Variants in BCAS3 observed in about 807,000 individuals in gnomAD.
BCAS3 encodes the protein BCAS4/BCAS3 fusion.
In BCAS3, 53 loss-of-function variants were observed where a neutral mutation model predicts 116.1. The observed-to-expected ratio is 0.46, with a 90% confidence interval of 0.37 to 0.57. BCAS3 has a LOEUF of 0.57. Among genes scored for constraint, BCAS3 ranks in the 20% least tolerant of loss-of-function variants. The pLI is 0.00. For missense variants in BCAS3, 917 were observed against 1,165.4 expected, an observed-to-expected ratio of 0.79 and a Z score of 3.10; for synonymous variants, 391 against 408.2, an observed-to-expected ratio of 0.96 and a Z score of 0.51.
chr17:60,853,916 T>A (rs1406650471), intron 7 of BCAS3, among the ~76,000 whole-genome samples: 5 of 152,224 alleles, frequency 3.3e-5, no homozygotes, highest in East Asian at 1.9e-4. Flanking sequence ...TGTTTTTTTT[T>A]ATACTTTAAG....
At chr17:60,857,736 T>G (rs1340765893) in intron 7 of BCAS3, among the ~76,000 whole-genome samples, 1 of 152,186 alleles carries the variant, frequency 6.6e-6, no homozygotes, top group Non-Finnish European at 1.5e-5. Flanking sequence ...AACTGTGTTA[T>G]TGGCAGGAAA....
chr17:61,338,391 CCA>C (rs1297379428), intron 22 of BCAS3, among the ~76,000 whole-genome samples: 1 of 152,046 alleles, frequency 6.6e-6, no homozygotes, highest in East Asian at 1.9e-4. Flanking sequence ...TGTAAAGTTA[CCA>C]GAGTCGCTTT....
At chr17:60,945,245 A>G (rs375463606) in intron 13 of BCAS3, among the ~76,000 whole-genome samples, 7 of 152,246 alleles carry the variant, frequency 4.6e-5, no homozygotes, top group South Asian at 2.1e-4. Flanking sequence ...AAAGAAGTCA[A>G]AATAGATCTA....
rs1003538476 is a variant in BCAS3, at chr17:61,077,951, C to T, written c.2131-382C>T. On this transcript the variant is annotated intron_variant, in intron 20 of 23. Transcript: ENST00000407086. This position sits in a 1 kb window ranked among gnomAD's most constrained non-coding sequence, Gnocchi z 4.3. ...TGTAGTATTCAGTGCATGCCCACAACATGGTAAGTACTGTCTAGAATGAAT... is the reference window on the plus strand; with the variant it reads ...TGTAGTATTCAGTGCATGCCCACAATATGGTAAGTACTGTCTAGAATGAAT... Among the ~76,000 whole-genome samples, 17 of 152,136 alleles carry T rather than the reference C, an allele frequency of 1.1e-4. No individual in the cohort carries two copies. The highest frequency in any genetic ancestry group is 4.1e-4 in the African/African-American group (17 of 41,414).
intron 5 of BCAS3, among the ~76,000 whole-genome samples, chr17:60,737,597 C>T (rs1408207624): frequency 1.3e-5 from 2 of 151,988 alleles, no homozygotes; most frequent in African/African-American, 4.8e-5. Context: ...GTTGTATTTT[C>T]ATTTTCATTA....
chr17:61,027,554 G>T (rs752574065), intron 16 of BCAS3: 1 of 265,732 alleles, frequency 3.8e-6, no homozygotes, highest in Non-Finnish European at 7.4e-6. Flanking sequence ...AGACAGGAAG[G>T]TCATAGAAAA....
intron 7 of BCAS3, among the ~76,000 whole-genome samples, chr17:60,831,153 A>G (rs2050884662): frequency 6.8e-6 from 1 of 146,208 alleles, no homozygotes; most frequent in African/African-American, 2.5e-5. Context: ...CATCTGGCCA[A>G]TAAATGTCTT....
intron 22 of BCAS3, among the ~76,000 whole-genome samples, chr17:61,096,280 C>T (rs531463908): frequency 7.2e-5 from 11 of 152,064 alleles, no homozygotes; most frequent in Admixed American, 2.0e-4. Context: ...AACTATAGCA[C>T]GTTTTTATTT....
At chr17:60,757,363 T>TAAATAAATAAATAAATAAAA (rs779963306) in intron 6 of BCAS3, among the ~76,000 whole-genome samples, 3 of 148,872 alleles carry the variant, frequency 2.0e-5, no homozygotes, top group African/African-American at 7.6e-5. Context: ...AATAAATAAA[T>TAAATAAATAAATAAATAAAA]GAGTTTCTCT....
intron 9 of BCAS3, among the ~76,000 whole-genome samples, chr17:60,876,279 G>A (rs1599357208): frequency 6.6e-6 from 1 of 151,918 alleles, no homozygotes; most frequent in Admixed American, 6.6e-5. Context: ...TGCTTCTTAT[G>A]TCCCATTTAA....
chr17:61,010,836 T>G (rs1356406967), intron 15 of BCAS3, among the ~76,000 whole-genome samples: 1 of 152,028 alleles, frequency 6.6e-6, no homozygotes, highest in Non-Finnish European at 1.5e-5. Flanking sequence ...CTAGTGGATT[T>G]GGATAAAGAC....
At chr17:61,178,289 G>A (rs1313020206) in intron 22 of BCAS3, among the ~76,000 whole-genome samples, 1 of 152,062 alleles carries the variant, frequency 6.6e-6, no homozygotes, top group Non-Finnish European at 1.5e-5. Context: ...AAAATCAATT[G>A]AAATGTAGTT....
rs1467854519 is a variant in BCAS3 at position 61,007,169 on chromosome 17, A to C, written c.1487-8582A>C. On this transcript the variant is annotated intron_variant, in intron 15 of 23. Transcript: ENST00000407086. This position sits in a 1 kb window ranked among gnomAD's most constrained non-coding sequence, Gnocchi z 4.3. Reference sequence around the variant, plus strand: ...TTTATATTTCAGTAGAATTCCTCACAGCTAGTTCTATTATTTTTCCCTTTG... The same window carrying C: ...TTTATATTTCAGTAGAATTCCTCACCGCTAGTTCTATTATTTTTCCCTTTG... Among the ~76,000 whole-genome samples the C allele has an allele frequency of 6.6e-6, 1 of 152,028 alleles. No homozygotes were observed. The highest frequency in any genetic ancestry group is 1.5e-5 in the Non-Finnish European group (1 of 67,960).
intron 7 of BCAS3, among the ~76,000 whole-genome samples, chr17:60,844,119 G>A (rs894961611): frequency 1.1e-4 from 16 of 152,174 alleles, no homozygotes; most frequent in African/African-American, 3.1e-4. Flanking sequence ...ATAGGCATGC[G>A]CCACCACACC....
intron 13 of BCAS3, among the ~76,000 whole-genome samples, chr17:60,943,480 A>G (rs2060327241): frequency 1.3e-5 from 2 of 152,120 alleles, no homozygotes. Context: ...AAGGAAAATA[A>G]CCACGGTTAA....
intron 6 of BCAS3, among the ~76,000 whole-genome samples, chr17:60,770,367 C>G (rs956085056): frequency 1.4e-5 from 2 of 145,594 alleles, no homozygotes; most frequent in South Asian, 2.2e-4. Flanking sequence ...GCTTTTAGTC[C>G]TTGCCATCGC....
chr17:61,045,276 A>C (rs1672596024), intron 19 of BCAS3, among the ~76,000 whole-genome samples: 1 of 151,364 alleles, frequency 6.6e-6, no homozygotes, highest in African/African-American at 2.4e-5. Flanking sequence ...TGGAAGGCCA[A>C]GGTGGGAAGA....
intron 22 of BCAS3, among the ~76,000 whole-genome samples, chr17:61,289,554 C>T (rs1484699669): frequency 6.6e-6 from 1 of 152,144 alleles, no homozygotes; most frequent in Admixed American, 6.5e-5. Context: ...GGACGCCAGC[C>T]TGTCTCTAAA....
rs1215193735 is a variant in BCAS3, at chr17:61,302,236, G to A, written c.2426-66091G>A. Among the ~76,000 whole-genome samples, 4 of 151,968 alleles carry A rather than the reference G, an allele frequency of 2.6e-5. No homozygotes were observed. The highest frequency in any genetic ancestry group is 4.8e-5 in the African/African-American group (2 of 41,342). On this transcript the variant is annotated intron_variant, in intron 22 of 23. Transcript: ENST00000407086. This position sits in a 1 kb window ranked among gnomAD's most constrained non-coding sequence, Gnocchi z 4.4. ...TGTATTACTTGACTTTCCTCATCTT[G>A]TCTCTTAATGTCACATCAGAATGTA...
Sources: gnomAD v4.1 joint callset for allele counts (sites outside exome capture counted in the v4.1 genomes callset) on GRCh38, gnomAD v4.1.1 for gene constraint, Gnocchi (gnomAD v3.1) non-coding constraint, MANE v1.5 for transcripts, NCBI Gene and HGNC (gene_info 2026-07-23, HGNC 2026-07-21) for gene names.